The following EPHB1 variants were observed in gnomAD, a reference collection of about 807,000 sequenced individuals.
The protein encoded by EPHB1 is ephrin type-B receptor 1.
In EPHB1, 30 loss-of-function variants were observed where a neutral mutation model predicts 94.4. That is an observed-to-expected ratio of 0.32 (90% CI 0.24 to 0.43). The LOEUF (loss-of-function observed/expected upper bound fraction) is 0.43, where lower values mean the gene tolerates loss of function less well. EPHB1 is among the 20% of genes least tolerant of loss of function. EPHB1 has a pLI of 1.00. For missense variants in EPHB1, 1,055 were observed against 1,308.3 expected (o/e 0.81, Z 2.99); for synonymous variants, 522 against 489.1 (o/e 1.07, Z -0.89).
intron 1 of EPHB1, among the ~76,000 whole-genome samples, chr3:134,913,435 A>G (rs1185752238): frequency 6.6e-6 from 1 of 152,168 alleles, no homozygotes. Flanking sequence ...GATGAGCAGC[A>G]TGTTATCTGG....
At chr3:134,870,672 C>T (rs933513353) in intron 1 of EPHB1, among the ~76,000 whole-genome samples, 4 of 152,192 alleles carry the variant, frequency 2.6e-5, no homozygotes, top group South Asian at 2.1e-4. Flanking sequence ...ACCTAACCTC[C>T]GAAAACCCCA....
intron 3 of EPHB1, among the ~76,000 whole-genome samples, chr3:135,092,679 G>A (rs1293619360): frequency 1.3e-5 from 2 of 149,298 alleles, no homozygotes; most frequent in Non-Finnish European, 3.0e-5. Context: ...TGGCTGGAGT[G>A]CAGTGGCACA....
Position 134,951,724 on chromosome 3 carries a change from C to T in EPHB1, c.477C>T (p.Asn159=), listed in dbSNP as rs753228828. 1.9e-6 allele frequency: 3 copies of T among 1,614,124 alleles called. No individual in the cohort carries two copies. Among genetic ancestry groups the T allele is most frequent in the East Asian group, 2.2e-5 (1 of 44,886 alleles). ...TTGGGGGAAGGCTGATGAAGGTAAA[C>T]ACAGAAGTCAGGAGCTTTGGGCCTC... ...VDFGGRLMKV[N]TEVRSFGPLT... The change falls in exon 3 of 16, where the codon AAC becomes AAT. Residue 159 remains asparagine, a synonymous_variant. Transcript: ENST00000398015. This position sits in a 1 kb window ranked among gnomAD's most constrained non-coding sequence, Gnocchi z 4.5.
intron 3 of EPHB1, among the ~76,000 whole-genome samples, chr3:134,953,023 A>G (rs112207277): frequency 0.011 from 1,661 of 152,082 alleles, 25 homozygotes; most frequent in African/African-American, 0.037. Context: ...TCCTATATGG[A>G]CCTCAGAAAT....
intron 12 of EPHB1, among the ~76,000 whole-genome samples, chr3:135,228,422 T>G (rs1319431247): frequency 6.6e-6 from 1 of 152,168 alleles, no homozygotes; most frequent in Non-Finnish European, 1.5e-5. Context: ...CTTGTATATT[T>G]TAAATTTTGG....
chr3:134,906,741 T>C (rs558878545), intron 1 of EPHB1, among the ~76,000 whole-genome samples: 2 of 152,338 alleles, frequency 1.3e-5, no homozygotes, highest in East Asian at 3.9e-4. Flanking sequence ...GAGCAGCCAG[T>C]GTGGTCAGTG....
At position 135,197,956 on chromosome 3, in the gene EPHB1, A is replaced by C. The variant is rs528834548; in HGVS notation, c.2131-3518A>C. Among the ~76,000 whole-genome samples, 119 of 152,322 alleles carry C rather than the reference A, an allele frequency of 7.8e-4. 2 individuals are homozygous for C. The South Asian group carries it at 0.024, about 30-fold the overall frequency. Reference sequence around the variant, plus strand: ...AAATCTTAATATGTTTTTATCTTTAAATTTCACCAAGGTTACGAATTCAGC... The same window carrying C: ...AAATCTTAATATGTTTTTATCTTTACATTTCACCAAGGTTACGAATTCAGC... On this transcript the variant is annotated intron_variant, in intron 11 of 15. Transcript: ENST00000398015.
At chr3:134,897,507 A>G (rs982650519) in intron 1 of EPHB1, among the ~76,000 whole-genome samples, 2 of 152,152 alleles carry the variant, frequency 1.3e-5, no homozygotes, top group African/African-American at 2.4e-5. Context: ...TTCTGGCACC[A>G]TCTTTTCTTC....
intron 1 of EPHB1, among the ~76,000 whole-genome samples, chr3:134,827,020 A>C (rs971271315): frequency 2.0e-5 from 3 of 152,176 alleles, no homozygotes; most frequent in Non-Finnish European, 4.4e-5. Context: ...CAGGGCCTGG[A>C]ATAATTTTCC....
At chr3:134,834,213 C>T (rs1327537809) in intron 1 of EPHB1, among the ~76,000 whole-genome samples, 1 of 152,102 alleles carries the variant, frequency 6.6e-6, no homozygotes, top group African/African-American at 2.4e-5. Flanking sequence ...TCAGACATAT[C>T]CCAAATGCTT....
chr3:134,815,449 A>G (rs1181725272), intron 1 of EPHB1, among the ~76,000 whole-genome samples: 2 of 152,090 alleles, frequency 1.3e-5, no homozygotes, highest in Non-Finnish European at 2.9e-5. Flanking sequence ...CTATTGTACC[A>G]TAAAATATAT....
intron 1 of EPHB1, among the ~76,000 whole-genome samples, chr3:134,900,193 G>A (rs1336718920): frequency 1.3e-5 from 2 of 152,170 alleles, no homozygotes; most frequent in Non-Finnish European, 2.9e-5. Context: ...CCACAGTTGT[G>A]CTCAGACATG....
chr3:135,252,728 C>A (rs1422252473), intron 15 of EPHB1, among the ~76,000 whole-genome samples: 1 of 141,582 alleles, frequency 7.1e-6, no homozygotes, highest in African/African-American at 2.6e-5. Context: ...TGGGTATATA[C>A]CCAGTAATGG....
intron 12 of EPHB1, among the ~76,000 whole-genome samples, chr3:135,219,850 C>T (rs1943235602): frequency 6.6e-6 from 1 of 152,064 alleles, no homozygotes; most frequent in Non-Finnish European, 1.5e-5. Context: ...GGATCTTGTC[C>T]CATGCACCCA....
intron 5 of EPHB1, among the ~76,000 whole-genome samples, chr3:135,147,375 C>T (rs1941044030): frequency 1.3e-5 from 2 of 152,360 alleles, no homozygotes; most frequent in South Asian, 4.1e-4. Context: ...CATATGTCCA[C>T]ACAGAAACTT....
intron 3 of EPHB1, among the ~76,000 whole-genome samples, chr3:135,075,207 C>T (rs1383585692): frequency 6.6e-6 from 1 of 152,120 alleles, no homozygotes; most frequent in Non-Finnish European, 1.5e-5. Context: ...TCATCTCTAC[C>T]ACCTGTCAAT....
chr3:135,175,235 C>T (rs1428552338), intron 9 of EPHB1, among the ~76,000 whole-genome samples: 1 of 152,180 alleles, frequency 6.6e-6, no homozygotes, highest in Non-Finnish European at 1.5e-5. Flanking sequence ...AGAGACATGT[C>T]CCAGCCTTTT....
intron 3 of EPHB1, among the ~76,000 whole-genome samples, chr3:134,958,644 A>G (rs967122585): frequency 6.6e-6 from 1 of 152,154 alleles, no homozygotes; most frequent in Admixed American, 6.5e-5. Flanking sequence ...CATGAGCTTC[A>G]TAATAGGATT....
chr3:134,916,174 T>C (rs1478092549), intron 1 of EPHB1, among the ~76,000 whole-genome samples: 3 of 151,700 alleles, frequency 2.0e-5, no homozygotes, highest in Admixed American at 1.3e-4. Flanking sequence ...AGGGTGCTGA[T>C]TGGTGTGTTT....
Sources: allele counts gnomAD v4.1 joint callset (sites outside exome capture counted in the v4.1 genomes callset), GRCh38; gene constraint gnomAD v4.1.1; non-coding constraint Gnocchi (gnomAD v3.1); transcripts MANE v1.5; gene names NCBI Gene and HGNC (gene_info 2026-07-23, HGNC 2026-07-21).